The following ADAMTS18 variants were observed in gnomAD, a reference collection of about 807,000 sequenced individuals.
ADAMTS18 encodes the protein A disintegrin and metalloproteinase with thrombospondin motifs 18.
ADAMTS18 carries 157 observed loss-of-function variants against 165.9 expected under a neutral mutation model. The observed-to-expected ratio is 0.95, with a 90% confidence interval of 0.83 to 1.08. The LOEUF is 1.08. Ranked by LOEUF, ADAMTS18 falls within the 50% of genes least tolerant of loss-of-function variation. The pLI is 0.00. For missense variants in ADAMTS18, 2,040 were observed against 1,534.0 expected, an observed-to-expected ratio of 1.33 and a Z score of -5.51; for synonymous variants, 782 against 578.2, an observed-to-expected ratio of 1.35 and a Z score of -5.06.
chr16:77,289,317 G>A lies in ADAMTS18; in HGVS notation c.3497C>T (p.Pro1166Leu). Residue 1166 changes from proline to leucine, a missense_variant, in exon 22 of 23, where the codon CCT (proline) becomes CTT (leucine). Physicochemically the swap from Pro to Leu is moderately conservative, Grantham distance 98. Transcript: ENST00000282849. Reference protein sequence around the residue: ...PSSSCLLHQKPPVLRACNTNF... With the variant: ...PSSSCLLHQKLPVLRACNTNF... ...TGTATTACAGGCTCGTAGCACCGGA[G>A]GTTTCTGATGGAGCAGACAACTTGA... 1.2e-6 allele frequency: 2 copies of A among 1,614,108 alleles called. No homozygotes were observed. The highest frequency in any genetic ancestry group is 1.1e-5 in the South Asian group (1 of 91,080).
chr16:77,425,147 T>C (rs1164937196), intron 3 of ADAMTS18, among the ~76,000 whole-genome samples: 1 of 152,168 alleles, frequency 6.6e-6, no homozygotes, highest in Non-Finnish European at 1.5e-5. Flanking sequence ...CTCTGGAGAA[T>C]GGGTCACTGC....
intron 16 of ADAMTS18, among the ~76,000 whole-genome samples, chr16:77,317,899 T>C (rs1177550226): frequency 2.6e-5 from 4 of 152,158 alleles, no homozygotes; most frequent in Non-Finnish European, 5.9e-5. Context: ...ACAGAAGAAG[T>C]AGCTACCTCT....
intron 3 of ADAMTS18, among the ~76,000 whole-genome samples, chr16:77,412,234 C>T (rs1021149067): frequency 4.6e-5 from 7 of 152,206 alleles, no homozygotes; most frequent in East Asian, 3.9e-4. Flanking sequence ...GACTGTAACT[C>T]GTACCATTGG....
At chr16:77,326,787 G>A (rs190911132) in intron 12 of ADAMTS18, among the ~76,000 whole-genome samples, 8 of 152,212 alleles carry the variant, frequency 5.3e-5, no homozygotes, top group South Asian at 2.1e-4. Flanking sequence ...ATTGCGTCTC[G>A]CAGGGGTTTG....
At chr16:77,409,666 C>G (rs539787917) in intron 3 of ADAMTS18, among the ~76,000 whole-genome samples, 34 of 152,268 alleles carry the variant, frequency 2.2e-4, no homozygotes, top group African/African-American at 4.8e-4. Context: ...GTGAACCACT[C>G]TGACGGGTCT....
chr16:77,300,665 C>T (rs1392776666), intron 16 of ADAMTS18, among the ~76,000 whole-genome samples: 1 of 151,874 alleles, frequency 6.6e-6, no homozygotes, highest in African/African-American at 2.4e-5. Context: ...AAGCCCATAA[C>T]GTATACACAA....
rs898818709 is a variant in ADAMTS18, at chr16:77,283,771, G to C, written c.*185C>G. ...ATTTTCAAGTGCTTCAGAGTACCAC[G>C]TGCTTCAGGGAATTGAGCTAGAAGC... On this transcript the variant is annotated 3_prime_UTR_variant, in exon 23 of 23. Transcript: ENST00000282849. 2 of 594,454 alleles carry C rather than the reference G, an allele frequency of 3.4e-6. No homozygotes were observed. The highest frequency in any genetic ancestry group is 1.9e-5 in the African/African-American group (1 of 53,282). The allele number at this position is 594,454 out of a possible 1,614,324, so 36.8% of individuals were successfully genotyped here. A position where few individuals can be genotyped will look rare whatever the true frequency, so the allele number is the denominator to read the frequency against.
intron 16 of ADAMTS18, among the ~76,000 whole-genome samples, chr16:77,311,332 A>G (rs2055776120): frequency 6.6e-6 from 1 of 152,230 alleles, no homozygotes; most frequent in Admixed American, 6.5e-5. Context: ...ATTATAAAAT[A>G]GATTTAATAT....
chr16:77,408,474 GATAA>G (rs1231983059), intron 3 of ADAMTS18, among the ~76,000 whole-genome samples: 2 of 152,024 alleles, frequency 1.3e-5, no homozygotes, highest in African/African-American at 4.8e-5. Context: ...CAAAAAAATA[GATAA>G]ATAGTGGTTT....
chr16:77,429,439 G>A (rs2057712139), intron 3 of ADAMTS18, among the ~76,000 whole-genome samples: 1 of 152,174 alleles, frequency 6.6e-6, no homozygotes, highest in Non-Finnish European at 1.5e-5. Flanking sequence ...ACTTGGGGGT[G>A]GAGGGTCGGA....
intron 3 of ADAMTS18, among the ~76,000 whole-genome samples, chr16:77,368,375 T>C (rs1287954564): frequency 6.6e-6 from 1 of 151,806 alleles, no homozygotes; most frequent in Admixed American, 6.6e-5. Flanking sequence ...CTGGATAGAG[T>C]GATGAATATA....
intron 3 of ADAMTS18, among the ~76,000 whole-genome samples, chr16:77,395,880 T>C (rs12596720): frequency 0.12 from 18,492 of 152,224 alleles, 1,404 homozygotes; most frequent in East Asian, 0.23. Flanking sequence ...TATGATATTA[T>C]TAATACCACT....
intron 16 of ADAMTS18, among the ~76,000 whole-genome samples, chr16:77,304,088 G>A (rs1008133299): frequency 1.3e-5 from 2 of 152,150 alleles, no homozygotes; most frequent in African/African-American, 2.4e-5. Context: ...TAAATCTGAG[G>A]TGGGGGAGGA....
Position 77,295,075 on chromosome 16 carries a change from G to C in ADAMTS18, c.2854C>G (p.Gln952Glu). The change falls in exon 19 of 23, where the codon CAG (glutamine) becomes GAG (glutamate). Residue 952 changes from glutamine (Q) to glutamate (E), a missense_variant. Gln to Glu is a conservative substitution (Grantham distance 29). Coordinates refer to ENST00000282849, the MANE Select transcript of ADAMTS18 (RefSeq NM_199355.4). ...TCSKACAGGQQSRKIQCVQKK... is the reference protein window; with the variant it reads ...TCSKACAGGQESRKIQCVQKK... ...TGCACACACTGGATCTTTCGGCTCTGCTGGCCTCCAGCACAGGCCTTGCTG... is the reference window on the plus strand; with the variant it reads ...TGCACACACTGGATCTTTCGGCTCTCCTGGCCTCCAGCACAGGCCTTGCTG... 1.9e-6 allele frequency: 3 copies of C among 1,614,174 alleles called. No homozygotes were observed. Among genetic ancestry groups the C allele is most frequent in the East Asian group, 4.5e-5 (2 of 44,872 alleles).
intron 16 of ADAMTS18, among the ~76,000 whole-genome samples, chr16:77,318,053 T>C (rs1267417160): frequency 1.3e-5 from 2 of 152,176 alleles, no homozygotes; most frequent in African/African-American, 4.8e-5. Flanking sequence ...CTTATGTGAA[T>C]TAACATATAT....
At chr16:77,372,937 A>G (rs1049264947) in intron 3 of ADAMTS18, among the ~76,000 whole-genome samples, 8 of 152,048 alleles carry the variant, frequency 5.3e-5, no homozygotes, top group African/African-American at 1.7e-4. Context: ...TGACCCACTA[A>G]TCTCTGCATA....
chr16:77,414,131 A>T (rs541287433), intron 3 of ADAMTS18, among the ~76,000 whole-genome samples: 5 of 152,362 alleles, frequency 3.3e-5, no homozygotes, highest in African/African-American at 1.2e-4. Flanking sequence ...CCTCCAAACC[A>T]AAATATCAAC....
At chr16:77,400,383 A>T (rs988524440) in intron 3 of ADAMTS18, among the ~76,000 whole-genome samples, 1 of 150,094 alleles carries the variant, frequency 6.7e-6, no homozygotes, top group South Asian at 2.1e-4. Context: ...CCCCTGATTA[A>T]TGGAGGGTAG....
At chr16:77,330,061 T>C (rs2056162504) in intron 12 of ADAMTS18, among the ~76,000 whole-genome samples, 1 of 152,084 alleles carries the variant, frequency 6.6e-6, no homozygotes. Context: ...AATAAGAATA[T>C]GAGATATGGA....
Sources: allele counts gnomAD v4.1 joint callset (sites outside exome capture counted in the v4.1 genomes callset), GRCh38; gene constraint gnomAD v4.1.1; transcripts MANE v1.5; gene names NCBI Gene and HGNC (gene_info 2026-07-23, HGNC 2026-07-21).